Variants in SYP observed in about 807,000 individuals in gnomAD.
SYP encodes synaptophysin, also known as major synaptic vesicle protein P38.
Under a neutral mutation model 24.3 loss-of-function variants are expected in SYP, and 2 were observed. The observed-to-expected ratio is 0.08, with a 90% CI of 0.03 to 0.26. The LOEUF is 0.26. Ranked by LOEUF, SYP falls within the 10% of genes least tolerant of loss-of-function variation. The pLI is 1.00. For synonymous variants in SYP, 143 were observed against 123.2 expected (o/e 1.16, Z -1.07); for missense variants, 216 against 266.3 (o/e 0.81, Z 1.32).
At chrX:49,195,986 G>A (rs1042336730) in intron 3 of SYP, among the ~76,000 whole-genome samples, 1 of 111,412 alleles carries the variant, frequency 9.0e-6, no homozygotes, top group African/African-American at 3.3e-5. Context: ...GTCAGGAGAG[G>A]GGGTCCCTAA....
chrX:49,200,100 C>T (rs1162985572), intron 1 of SYP, 51 bp downstream of exon 1: 7 of 1,161,612 alleles, frequency 6.0e-6, no homozygotes, highest in East Asian at 3.3e-5. Flanking sequence ...AGCGACCCGG[C>T]CTAGGCAGCC....
chrX:49,198,848 A>C, intron 2 of SYP, 120 bp downstream of exon 2: 7 of 754,598 alleles, frequency 9.3e-6, no homozygotes, highest in Non-Finnish European at 1.4e-5. Context: ...CAATTCCCCC[A>C]TCCCCTACAA....
chrX:49,195,351 A>C lies in SYP; in HGVS notation c.228-990T>G, dbSNP rs73498045. Among the ~76,000 whole-genome samples, 605 of 110,830 alleles carry C rather than the reference A, an allele frequency of 5.5e-3. 4 individuals carry two copies. Among genetic ancestry groups the C allele is most frequent in the African/African-American group, 0.018 (539 of 30,432 alleles). ...CGGAAACAGAGGCTCAGGGAAGTGC[A>C]TTAACTTGCCTAAAGTCACACAGCT... is the stretch of plus-strand genomic sequence containing the variant. On this transcript the variant is annotated intron_variant, in intron 3 of 6. Coordinates refer to ENST00000263233, the MANE Select transcript of SYP (RefSeq NM_003179.3).
At position 49,188,801 on chromosome X, in the gene SYP, C is replaced by G. The variant is rs1202610197; in HGVS notation, c.*486G>C. ...AACTGTCCTCTCTACCCCAAGCCCC[C>G]CCAATCTCTGCCTTTCTTTAACCCT... On this transcript the variant is annotated 3_prime_UTR_variant, in exon 7 of 7. Coordinates refer to ENST00000263233, the MANE Select transcript of SYP (RefSeq NM_003179.3). 9.0e-6 allele frequency: 1 copy of G among 111,478 alleles called. No homozygotes were observed. Among genetic ancestry groups the G allele is most frequent in the Non-Finnish European group, 1.9e-5 (1 of 53,043 alleles). 9.2% of individuals were successfully genotyped at this position (111,478 alleles called of 1,213,427 possible).
intron 5 of SYP, among the ~76,000 whole-genome samples, 171 bp from the exon 6 acceptor site, chrX:49,191,934 C>G (rs2065511266): frequency 8.9e-6 from 1 of 112,596 alleles, no homozygotes; most frequent in Non-Finnish European, 1.9e-5. Flanking sequence ...AAAATCACCT[C>G]TGGCGGGGTG....
chrX:49,197,703 G>C lies in SYP; in HGVS notation c.227+12C>G. 1.7e-6 allele frequency: 2 copies of C among 1,206,539 alleles called. No homozygotes were observed. The highest frequency in any genetic ancestry group is 2.2e-6 in the Non-Finnish European group (2 of 892,601). On this transcript the variant is annotated intron_variant, in intron 3 of 6. Coordinates refer to ENST00000263233, the MANE Select transcript of SYP (RefSeq NM_003179.3). ...CTCCCAGGTCTGTTGGTATCCCAGG[G>C]TGGGAGCACACCTGAAGGGGTACTC...
intron 2 of SYP, 37 bp downstream of exon 2, chrX:49,198,931 C>T (rs1557103636): frequency 1.7e-6 from 2 of 1,206,925 alleles, no homozygotes; most frequent in South Asian, 1.8e-5. Context: ...CTCCCTCTCT[C>T]CCTGCACTCT....
chrX:49,192,044 T>C (rs1557102829), intron 5 of SYP, among the ~76,000 whole-genome samples: 1 of 112,767 alleles, frequency 8.9e-6, no homozygotes, highest in African/African-American at 3.2e-5. Flanking sequence ...TATATACACA[T>C]TTATGCATGT....
intron 5 of SYP, 27 bp downstream of exon 5, chrX:49,193,245 C>T (rs2065516598): frequency 8.3e-7 from 1 of 1,208,261 alleles, no homozygotes; most frequent in Non-Finnish European, 1.1e-6. Flanking sequence ...TCCACTCTCC[C>T]TCCTCCAGCC....
intron 2 of SYP, 82 bp downstream of exon 2, chrX:49,198,886 C>A: frequency 9.1e-7 from 1 of 1,093,278 alleles, no homozygotes. Flanking sequence ...GGCTACTCGC[C>A]CCTACTCCAC....
chrX:49,191,779 G>C lies in SYP; in HGVS notation c.616-16C>G. 8.4e-7 allele frequency: 1 copy of C among 1,193,276 alleles called. No homozygotes were observed. Among genetic ancestry groups the C allele is most frequent in the Non-Finnish European group, 1.1e-6 (1 of 884,754 alleles). On this transcript the variant is annotated splice_polypyrimidine_tract_variant and intron_variant, in intron 5 of 6. Coordinates refer to ENST00000263233, the MANE Select transcript of SYP (RefSeq NM_003179.3). Reference sequence around the variant, plus strand: ...AGCCGAACACCTGCAGGGAGACAAGGCTCGGCTGTGGTACCCCGCCCATTG... The same window carrying C: ...AGCCGAACACCTGCAGGGAGACAAGCCTCGGCTGTGGTACCCCGCCCATTG...
chrX:49,197,623 G>T, intron 3 of SYP, 92 bp downstream of exon 3: 1 of 1,131,369 alleles, frequency 8.8e-7, no homozygotes, highest in Non-Finnish European at 1.2e-6. Context: ...GGTGGGAGCT[G>T]GGCAGGAGCT....
rs1467370917 is a variant in SYP at position 49,188,620 on chromosome X, T to C, written c.*667A>G. 9.0e-6 allele frequency: 1 copy of C among 110,828 alleles called. No individual in the cohort carries two copies. Among genetic ancestry groups the C allele is most frequent in the Non-Finnish European group, 1.9e-5 (1 of 52,954 alleles). 9.1% of individuals were successfully genotyped at this position (110,828 alleles called of 1,213,427 possible). The stretch of plus-strand genomic sequence containing the variant: ...TCTGCCTCGCTTAAAGCCTCGCCCC[T>C]TCTAGAACCCTGCCCTCAGCGCCCT... On this transcript the variant is annotated 3_prime_UTR_variant, in exon 7 of 7. Transcript: ENST00000263233.
chrX:49,192,104 CTT>C (rs2065512090), intron 5 of SYP, among the ~76,000 whole-genome samples: 1 of 112,770 alleles, frequency 8.9e-6, no homozygotes, highest in African/African-American at 3.2e-5. Context: ...AGGATACAAA[CTT>C]ATTAAATATA....
At chrX:49,199,066 T>A in intron 1 of SYP, 33 bp from the exon 2 acceptor site, 1 of 1,187,310 alleles carries the variant, frequency 8.4e-7, no homozygotes, top group Non-Finnish European at 1.1e-6. Context: ...AGGGGTGGGG[T>A]TGTTGGAGGT....
chrX:49,191,844 T>A, intron 5 of SYP, 81 bp from the exon 6 acceptor site: 1 of 1,047,797 alleles, frequency 9.5e-7, no homozygotes, highest in Non-Finnish European at 1.3e-6. Flanking sequence ...ATGCGGGGAA[T>A]GAATCCGTAG....
At chrX:49,195,247 C>T (rs1478101768) in intron 3 of SYP, among the ~76,000 whole-genome samples, 2 of 108,514 alleles carry the variant, frequency 1.8e-5, no homozygotes, top group East Asian at 5.7e-4. Context: ...TTTTCACCTC[C>T]GTTTATCTCC....
At chrX:49,197,492 C>T (rs782317445) in intron 3 of SYP, 8 of 467,353 alleles carry the variant, frequency 1.7e-5, no homozygotes, top group East Asian at 1.1e-4. Context: ...CTTACCCCTT[C>T]GCTGGAACAG....
Position 49,191,403 on chromosome X carries a change from C to G in SYP, c.*4+30G>C, listed in dbSNP as rs1557102676. 3 of 1,199,495 alleles carry G rather than the reference C, an allele frequency of 2.5e-6. No homozygotes were observed. The African/African-American group carries it at 5.2e-5, about 21-fold the overall frequency. ...CCGCTCGTCTCCTTCCTTGTACCCT[C>G]CTTGGCCGCACCGCTCGCCGGTCAC... On this transcript the variant is annotated intron_variant, in intron 6 of 6. Transcript: ENST00000263233.
Sources: gnomAD v4.1 joint callset for allele counts (sites outside exome capture counted in the v4.1 genomes callset) on GRCh38, gnomAD v4.1.1 for gene constraint, MANE v1.5 for transcripts, NCBI Gene and HGNC (gene_info 2026-07-23, HGNC 2026-07-21) for gene names.